Variants in PDE3A observed in about 807,000 individuals in gnomAD.
The protein encoded by PDE3A is phosphodiesterase 3A.
In PDE3A, 43 loss-of-function variants were observed where a neutral mutation model predicts 98.3. The ratio of observed to expected loss-of-function variants is 0.44; its 90% CI spans 0.34 to 0.56. PDE3A has a LOEUF of 0.56. Ranked by LOEUF, PDE3A falls within the 20% of genes least tolerant of loss-of-function variation. PDE3A has a pLI of 0.01. For synonymous variants in PDE3A, 663 were observed against 567.9 expected, an observed-to-expected ratio of 1.17 and a Z score of -2.38; for missense variants, 1,427 against 1,440.7, an observed-to-expected ratio of 0.99 and a Z score of 0.15.
intron 1 of PDE3A, among the ~76,000 whole-genome samples, chr12:20,483,080 T>C (rs1945659880): frequency 6.6e-6 from 1 of 152,102 alleles, no homozygotes; most frequent in African/African-American, 2.4e-5. Context: ...TGCCTACATA[T>C]CAGTCTTCAT....
At chr12:20,634,789 G>A in intron 7 of PDE3A, 113 bp from the exon 8 acceptor site, 1 of 730,782 alleles carries the variant, frequency 1.4e-6, no homozygotes, top group Admixed American at 2.2e-5. Flanking sequence ...GCTCAGGAAA[G>A]CAGTATTTCC....
intron 1 of PDE3A, among the ~76,000 whole-genome samples, chr12:20,459,401 GC>G (rs1945209419): frequency 6.6e-6 from 1 of 152,044 alleles, no homozygotes; most frequent in Non-Finnish European, 1.5e-5. Context: ...CTTCTGGAAA[GC>G]CTTAAAGGCA....
chr12:20,459,729 C>T (rs1945215024), intron 1 of PDE3A, among the ~76,000 whole-genome samples: 1 of 152,044 alleles, frequency 6.6e-6, no homozygotes, highest in Non-Finnish European at 1.5e-5. Flanking sequence ...AGATAATATA[C>T]TTTTGAGTTA....
At chr12:20,402,551 C>A (rs79074912) in intron 1 of PDE3A, among the ~76,000 whole-genome samples, 1 of 151,928 alleles carries the variant, frequency 6.6e-6, no homozygotes, top group Admixed American at 6.6e-5. Context: ...TTTCATCTTA[C>A]GGTGGGCCCT....
Position 20,523,366 on chromosome 12 carries a change from A to G in PDE3A, c.961-33294A>G, listed in dbSNP as rs542089428. Among the ~76,000 whole-genome samples, 5 of 152,310 alleles carry G rather than the reference A, an allele frequency of 3.3e-5. No homozygotes were observed. The South Asian group carries it at 8.3e-4, about 25-fold the overall frequency. On this transcript the variant is annotated intron_variant, in intron 1 of 15. Transcript: ENST00000359062. ...TGTCCTTAAAACTTAGAGAATATGCAGAGAGCATACACAATTCTGCTTAGA... is the reference window on the plus strand; with the variant it reads ...TGTCCTTAAAACTTAGAGAATATGCGGAGAGCATACACAATTCTGCTTAGA...
chr12:20,675,166 T>G (rs1297069631), intron 15 of PDE3A, among the ~76,000 whole-genome samples: 1 of 152,102 alleles, frequency 6.6e-6, no homozygotes, highest in Non-Finnish European at 1.5e-5. Flanking sequence ...ATTATCTCTT[T>G]GACCCAAAGG....
At chr12:20,408,069 C>T (rs145901931) in intron 1 of PDE3A, among the ~76,000 whole-genome samples, 9,099 of 151,954 alleles carry the variant, frequency 0.06, 581 homozygotes, top group Admixed American at 0.19. Flanking sequence ...TACAGGTGCG[C>T]GCCACCACGC....
intron 1 of PDE3A, among the ~76,000 whole-genome samples, chr12:20,502,575 C>T (rs957467901): frequency 1.3e-5 from 2 of 152,016 alleles, no homozygotes. Flanking sequence ...ACTTGGTTCA[C>T]CTAGAGCAGG....
At chr12:20,638,702 T>C (rs190088602) in intron 9 of PDE3A, among the ~76,000 whole-genome samples, 1 of 152,300 alleles carries the variant, frequency 6.6e-6, no homozygotes, top group Admixed American at 6.5e-5. Context: ...CCACAGGATG[T>C]GGCAATGAGT....
intron 15 of PDE3A, among the ~76,000 whole-genome samples, chr12:20,677,329 C>A (rs1945667004): frequency 6.6e-6 from 1 of 152,054 alleles, no homozygotes; most frequent in East Asian, 1.9e-4. Context: ...AATTCTTATT[C>A]ATTGGAATCT....
At chr12:20,428,322 C>T (rs920997373) in intron 1 of PDE3A, among the ~76,000 whole-genome samples, 6 of 152,140 alleles carry the variant, frequency 3.9e-5, no homozygotes, top group African/African-American at 1.4e-4. Context: ...CTCTGTCGCC[C>T]AGGCTGGAGT....
At chr12:20,665,106 C>A (rs1341019556) in intron 15 of PDE3A, among the ~76,000 whole-genome samples, 1 of 152,176 alleles carries the variant, frequency 6.6e-6, no homozygotes, top group Non-Finnish European at 1.5e-5. Flanking sequence ...ATCTCCCTCC[C>A]TTTCTGCTGA....
chr12:20,542,188 A>G (rs1270713399), intron 1 of PDE3A, among the ~76,000 whole-genome samples: 2 of 152,074 alleles, frequency 1.3e-5, no homozygotes, highest in Admixed American at 1.3e-4. Context: ...ATGAAATAAG[A>G]CTTTAAAAAT....
At chr12:20,517,081 C>G (rs1946335166) in intron 1 of PDE3A, among the ~76,000 whole-genome samples, 1 of 152,216 alleles carries the variant, frequency 6.6e-6, no homozygotes, top group Non-Finnish European at 1.5e-5. Flanking sequence ...TGTAGTTTGA[C>G]TCTGTCGACA....
intron 2 of PDE3A, among the ~76,000 whole-genome samples, chr12:20,605,085 G>A (rs1361750111): frequency 6.6e-6 from 1 of 152,264 alleles, no homozygotes; most frequent in East Asian, 1.9e-4. Context: ...TCTGTGTAAA[G>A]CTACCTGACT....
At chr12:20,542,824 A>G (rs949182149) in intron 1 of PDE3A, among the ~76,000 whole-genome samples, 1 of 152,036 alleles carries the variant, frequency 6.6e-6, no homozygotes, top group African/African-American at 2.4e-5. Flanking sequence ...CTGAGTTTTA[A>G]TAATTTTCTG....
At chr12:20,439,176 T>A (rs1565549445) in intron 1 of PDE3A, among the ~76,000 whole-genome samples, 1 of 152,192 alleles carries the variant, frequency 6.6e-6, no homozygotes, top group East Asian at 1.9e-4. Context: ...TCTGTAATGA[T>A]CCAGAAAATA....
chr12:20,667,889 C>T (rs77406344), intron 15 of PDE3A, among the ~76,000 whole-genome samples: 7,333 of 152,202 alleles, frequency 0.048, 331 homozygotes, highest in African/African-American at 0.11. Flanking sequence ...CAGCTCCCAG[C>T]GTGGTGGATG....
At chr12:20,419,664 C>G (rs1464354986) in intron 1 of PDE3A, among the ~76,000 whole-genome samples, 1 of 150,590 alleles carries the variant, frequency 6.6e-6, no homozygotes, top group African/African-American at 2.4e-5. Context: ...TAGAGAACCA[C>G]AAATAAATGC....
Sources: allele counts gnomAD v4.1 joint callset (sites outside exome capture counted in the v4.1 genomes callset), GRCh38; gene constraint gnomAD v4.1.1; transcripts MANE v1.5; gene names NCBI Gene and HGNC (gene_info 2026-07-23, HGNC 2026-07-21).